PPP3R1: variants seen among roughly 807,000 people sequenced by gnomAD.
PPP3R1 encodes the protein calcineurin subunit B type 1.
PPP3R1 carries 5 observed loss-of-function variants against 22.6 expected under a neutral mutation model. That is an observed-to-expected ratio of 0.22 (90% CI 0.12 to 0.46). The LOEUF (loss-of-function observed/expected upper bound fraction) is 0.46, where lower values mean the gene tolerates loss of function less well. PPP3R1 is among the 20% of genes least tolerant of loss of function. PPP3R1 has a pLI of 0.99. For missense variants in PPP3R1, 61 were observed against 203.2 expected (o/e 0.30, Z 4.25); for synonymous variants, 56 against 65.2 (o/e 0.86, Z 0.68).
intron 1 of PPP3R1, among the ~76,000 whole-genome samples, chr2:68,224,712 T>C (rs1270301059): frequency 1.3e-5 from 2 of 150,618 alleles, no homozygotes; most frequent in East Asian, 3.9e-4. Context: ...AGAGTGGTAC[T>C]GGTGTAAGAA....
intron 1 of PPP3R1, among the ~76,000 whole-genome samples, chr2:68,246,160 C>T (rs1268580538): frequency 1.3e-5 from 2 of 149,958 alleles, no homozygotes; most frequent in African/African-American, 2.5e-5. Context: ...CTGCAACCTC[C>T]GCCTCCCGGG....
chr2:68,196,677 G>T (rs1166185506), intron 2 of PPP3R1, among the ~76,000 whole-genome samples: 1 of 151,846 alleles, frequency 6.6e-6, no homozygotes. Flanking sequence ...TGTCAAATAT[G>T]CAAAAACTCG....
At chr2:68,209,211 T>G (rs1034957332) in intron 2 of PPP3R1, among the ~76,000 whole-genome samples, 5 of 148,608 alleles carry the variant, frequency 3.4e-5, no homozygotes, top group African/African-American at 1.2e-4. Flanking sequence ...ACAAAAAAAT[T>G]AGCCGGGCGT....
At chr2:68,251,493 G>C (rs539555691) in intron 1 of PPP3R1, among the ~76,000 whole-genome samples, 1 of 152,110 alleles carries the variant, frequency 6.6e-6, no homozygotes, top group South Asian at 2.1e-4. Flanking sequence ...GGTTCGCCAG[G>C]GCAGCGAGCA....
At chr2:68,234,773 T>C (rs1310265839) in intron 1 of PPP3R1, among the ~76,000 whole-genome samples, 1 of 151,024 alleles carries the variant, frequency 6.6e-6, no homozygotes, top group African/African-American at 2.4e-5. Flanking sequence ...AAAACATATA[T>C]AATAACCCCC....
chr2:68,222,555 C>T (rs937054137), intron 1 of PPP3R1, among the ~76,000 whole-genome samples: 1 of 152,202 alleles, frequency 6.6e-6, no homozygotes, highest in African/African-American at 2.4e-5. Flanking sequence ...ACTGCCTGAG[C>T]TGCAAAGTCA....
chr2:68,220,940 T>C (rs1669677518), intron 1 of PPP3R1, among the ~76,000 whole-genome samples: 1 of 152,068 alleles, frequency 6.6e-6, no homozygotes, highest in African/African-American at 2.4e-5. Flanking sequence ...GGTTTCCTTT[T>C]AGGGTGATGA....
chr2:68,218,118 A>G (rs1032896194), intron 1 of PPP3R1, among the ~76,000 whole-genome samples: 4 of 152,188 alleles, frequency 2.6e-5, no homozygotes, highest in African/African-American at 9.6e-5. Flanking sequence ...GAAGCATCCT[A>G]TATTCTATTT....
Position 68,249,468 on chromosome 2 carries a change from C to A in PPP3R1, c.3+2657G>T, listed in dbSNP as rs1218505855. On this transcript the variant is annotated intron_variant, in intron 1 of 5. Coordinates refer to ENST00000234310, the MANE Select transcript of PPP3R1 (RefSeq NM_000945.4). ...TTAAAAGCACAAAGACATGAAAAGG[C>A]CTTTATAAAATTTAAAGTTCCCTTA... is the stretch of plus-strand genomic sequence containing the variant. 4.6e-5 allele frequency among the ~76,000 whole-genome samples: 7 copies of A among 152,052 alleles called. No homozygotes were observed. In the East Asian group the frequency reaches 1.3e-3, roughly 29 times the overall value.
intron 2 of PPP3R1, among the ~76,000 whole-genome samples, chr2:68,208,682 C>T (rs1323539971): frequency 6.6e-6 from 1 of 152,104 alleles, no homozygotes; most frequent in African/African-American, 2.4e-5. Context: ...TGCCTGTAAT[C>T]CCAGCACTCT....
chr2:68,218,558 T>C lies in PPP3R1; in HGVS notation c.4-1427A>G, dbSNP rs542708717. Among the ~76,000 whole-genome samples, 38 of 152,256 alleles carry C rather than the reference T, an allele frequency of 2.5e-4. No individual in the cohort carries two copies. In the South Asian group the frequency reaches 7.7e-3, roughly 31 times the overall value. On this transcript the variant is annotated intron_variant, in intron 1 of 5. Coordinates refer to ENST00000234310, the MANE Select transcript of PPP3R1 (RefSeq NM_000945.4). ...TTGCACATTACTTAATTGATCTTAA[T>C]ATTCTTACCATGATTCTTATCTTCA...
chr2:68,194,079 C>A (rs2103731397), intron 2 of PPP3R1, among the ~76,000 whole-genome samples: 1 of 152,048 alleles, frequency 6.6e-6, no homozygotes, highest in South Asian at 2.1e-4. Context: ...GGGAGGAATG[C>A]CTTAACAGTT....
intron 5 of PPP3R1, among the ~76,000 whole-genome samples, chr2:68,186,102 G>T (rs931985408): frequency 6.6e-6 from 1 of 152,126 alleles, no homozygotes; most frequent in Non-Finnish European, 1.5e-5. Context: ...AGTATCTCTA[G>T]CTTGCAGTTT....
chr2:68,223,513 ATTATT>A (rs1412897150), intron 1 of PPP3R1, among the ~76,000 whole-genome samples: 1 of 152,226 alleles, frequency 6.6e-6, no homozygotes, highest in African/African-American at 2.4e-5. Flanking sequence ...ATGACTGAGG[ATTATT>A]CCAGCAATGG....
intron 1 of PPP3R1, among the ~76,000 whole-genome samples, chr2:68,240,406 T>G (rs1428418017): frequency 6.6e-6 from 1 of 152,206 alleles, no homozygotes; most frequent in Non-Finnish European, 1.5e-5. Context: ...TAAATTGAAC[T>G]TGTATGAAGA....
rs1011559572 is a variant in PPP3R1 at position 68,180,118 on chromosome 2, C to A, written c.*845G>T. 1.3e-5 allele frequency: 2 copies of A among 152,186 alleles called. No homozygotes were observed. The highest frequency in any genetic ancestry group is 2.4e-5 in the African/African-American group (1 of 41,436). 9.4% of individuals were successfully genotyped at this position (152,186 alleles called of 1,614,324 possible). ...AGCTTCTGGCCTTTATGTATAAAAT[C>A]ACAACTAGCACTTAACGTTACTGAG... On this transcript the variant is annotated 3_prime_UTR_variant, in exon 6 of 6. Transcript: ENST00000234310.
intron 2 of PPP3R1, among the ~76,000 whole-genome samples, chr2:68,216,052 T>C (rs1403691097): frequency 6.6e-6 from 1 of 152,114 alleles, no homozygotes; most frequent in African/African-American, 2.4e-5. Flanking sequence ...TATATTGTAA[T>C]GGAAAACCAT....
intron 5 of PPP3R1, among the ~76,000 whole-genome samples, 173 bp from the exon 6 acceptor site, chr2:68,181,183 A>G (rs969298405): frequency 6.6e-6 from 1 of 152,144 alleles, no homozygotes; most frequent in Non-Finnish European, 1.5e-5. Context: ...AGGTCAGGAG[A>G]TCGAGACCAT....
At chr2:68,188,953 C>T (rs745733437) in intron 2 of PPP3R1, among the ~76,000 whole-genome samples, 1 of 152,036 alleles carries the variant, frequency 6.6e-6, no homozygotes, top group African/African-American at 2.4e-5. Flanking sequence ...TACATACATC[C>T]GCTGTATGCT....
Sources: gnomAD v4.1 joint callset for allele counts (sites outside exome capture counted in the v4.1 genomes callset) on GRCh38, gnomAD v4.1.1 for gene constraint, MANE v1.5 for transcripts, NCBI Gene and HGNC (gene_info 2026-07-23, HGNC 2026-07-21) for gene names.